Variants in SEMA5A observed in about 807,000 individuals in gnomAD.
SEMA5A encodes the protein semaphorin-5A.
SEMA5A carries 55 observed loss-of-function variants against 135.5 expected under a neutral mutation model. The observed-to-expected ratio is 0.41, with a 90% CI of 0.33 to 0.51. The LOEUF (loss-of-function observed/expected upper bound fraction) is 0.51, where lower values mean the gene tolerates loss of function less well. Ranked by LOEUF, SEMA5A falls within the 20% of genes least tolerant of loss-of-function variation. The pLI, the probability that SEMA5A is intolerant of heterozygous loss-of-function variation, is 0.37. For synonymous variants in SEMA5A, 580 were observed against 546.5 expected (o/e 1.06, Z -0.85); for missense variants, 1,290 against 1,419.9 (o/e 0.91, Z 1.47).
At chr5:9,290,023 T>G (rs1751000063) in intron 5 of SEMA5A, among the ~76,000 whole-genome samples, 2 of 152,234 alleles carry the variant, frequency 1.3e-5, no homozygotes, top group African/African-American at 4.8e-5. Context: ...GACAGAAATC[T>G]TCTGAGGTAT....
At chr5:9,225,539 A>G (rs1747256292) in intron 7 of SEMA5A, among the ~76,000 whole-genome samples, 1 of 149,086 alleles carries the variant, frequency 6.7e-6, no homozygotes, top group Non-Finnish European at 1.5e-5. Context: ...GCTGCATTCC[A>G]GCCTGGGAGG....
intron 5 of SEMA5A, among the ~76,000 whole-genome samples, chr5:9,290,111 G>GT (rs1392425375): frequency 6.6e-6 from 1 of 152,110 alleles, no homozygotes; most frequent in Non-Finnish European, 1.5e-5. Flanking sequence ...ATATGAATAA[G>GT]TTTTTTCGTG....
In SEMA5A at chr5:9,042,087, A is replaced by T. The variant is rs1735995481; in HGVS notation, c.*810T>A. 6.6e-6 allele frequency: 1 copy of T among 152,194 alleles called. No individual in the cohort carries two copies. The highest frequency in any genetic ancestry group is 1.5e-5 in the Non-Finnish European group (1 of 68,052). 9.4% of individuals were successfully genotyped at this position (152,194 alleles called of 1,614,324 possible). A position where few individuals can be genotyped will look rare whatever the true frequency, so the allele number is the denominator to read the frequency against. ...CTGGCTCTTCAGGACGTCACTATGGACCAGACAGGTGGACTTCCAGGCCAA... is the reference window on the plus strand; with the variant it reads ...CTGGCTCTTCAGGACGTCACTATGGTCCAGACAGGTGGACTTCCAGGCCAA... On this transcript the variant is annotated 3_prime_UTR_variant, in exon 23 of 23. Coordinates refer to ENST00000382496, the MANE Select transcript of SEMA5A (RefSeq NM_003966.3).
intron 2 of SEMA5A, among the ~76,000 whole-genome samples, chr5:9,380,692 C>T (rs1755560682): frequency 6.6e-6 from 1 of 152,172 alleles, no homozygotes; most frequent in Non-Finnish European, 1.5e-5. Flanking sequence ...TGCTTGGAAA[C>T]TTTAAAGATT....
intron 1 of SEMA5A, among the ~76,000 whole-genome samples, chr5:9,491,130 C>T (rs1399313840): frequency 6.6e-6 from 1 of 152,046 alleles, no homozygotes; most frequent in African/African-American, 2.4e-5. Context: ...TCGCGATGTC[C>T]TCAAGTTCAG....
At chr5:9,147,201 TTAAC>T (rs1273824863) in intron 12 of SEMA5A, among the ~76,000 whole-genome samples, 11 of 152,348 alleles carry the variant, frequency 7.2e-5, no homozygotes, top group African/African-American at 2.6e-4. Flanking sequence ...GTTAATTTCT[TTAAC>T]TAAATGATAC....
chr5:9,317,825 ACTAAAAT>A (rs1752456646), intron 5 of SEMA5A, among the ~76,000 whole-genome samples: 1 of 152,210 alleles, frequency 6.6e-6, no homozygotes, highest in South Asian at 2.1e-4. Flanking sequence ...CAGATCTGCT[ACTAAAAT>A]AAATACTTCA....
intron 1 of SEMA5A, among the ~76,000 whole-genome samples, chr5:9,440,912 C>A (rs1434501264): frequency 6.6e-6 from 1 of 152,170 alleles, no homozygotes; most frequent in Non-Finnish European, 1.5e-5. Flanking sequence ...TAAGATTACA[C>A]TGGAAATAAA....
At chr5:9,142,667 C>A (rs1742127043) in intron 12 of SEMA5A, among the ~76,000 whole-genome samples, 1 of 152,148 alleles carries the variant, frequency 6.6e-6, no homozygotes. Context: ...TTAAGAGCTG[C>A]AATTAAAAAC....
At chr5:9,470,452 G>A (rs1173422252) in intron 1 of SEMA5A, among the ~76,000 whole-genome samples, 1 of 152,190 alleles carries the variant, frequency 6.6e-6, no homozygotes, top group African/African-American at 2.4e-5. Flanking sequence ...CAGCTCATGT[G>A]AGAAGTGACT....
intron 5 of SEMA5A, among the ~76,000 whole-genome samples, chr5:9,309,801 T>C (rs1752039155): frequency 8.7e-6 from 1 of 114,842 alleles, no homozygotes; most frequent in Non-Finnish European, 2.0e-5. Context: ...TAATCAACTA[T>C]AAATCTTCCA....
intron 1 of SEMA5A, among the ~76,000 whole-genome samples, chr5:9,496,881 A>G (rs268494): frequency 0.97 from 147,998 of 152,332 alleles, 72,126 homozygotes; most frequent in Non-Finnish European, 1. Flanking sequence ...AACCACACAC[A>G]CAACCTGCTA....
chr5:9,205,090 A>G (rs1745936411), intron 8 of SEMA5A, among the ~76,000 whole-genome samples: 1 of 152,180 alleles, frequency 6.6e-6, no homozygotes, highest in African/African-American at 2.4e-5. Context: ...TGAAAAAAAT[A>G]AATAGTGCTT....
chr5:9,289,855 T>A (rs1346324560), intron 5 of SEMA5A, among the ~76,000 whole-genome samples: 1 of 152,120 alleles, frequency 6.6e-6, no homozygotes, highest in African/African-American at 2.4e-5. Flanking sequence ...GAGCTTAAAG[T>A]CCACTGAAAC....
At position 9,302,015 on chromosome 5, in the gene SEMA5A, G is replaced by C. The variant is rs559737584; in HGVS notation, c.270+16357C>G. 5.9e-5 allele frequency among the ~76,000 whole-genome samples: 9 copies of C among 152,156 alleles called. No individual in the cohort carries two copies. In the Middle Eastern group the frequency reaches 0.014, roughly 230 times the overall value. ...GAGTGGCTGCCAGCTTTCCTTAGCT[G>C]TAGTTGCATCACTCTAATTTTCAAA... On this transcript the variant is annotated intron_variant, in intron 5 of 22. Transcript: ENST00000382496.
At chr5:9,271,402 A>G (rs866935508) in intron 5 of SEMA5A, among the ~76,000 whole-genome samples, 3 of 152,174 alleles carry the variant, frequency 2.0e-5, no homozygotes, top group Non-Finnish European at 2.9e-5. Flanking sequence ...AACAGGAGTG[A>G]GGTACGGCTA....
At chr5:9,189,025 TTACCTGACCACTCAGTGGCAC>T (rs1744952290) in intron 11 of SEMA5A, among the ~76,000 whole-genome samples, 3 of 152,210 alleles carry the variant, frequency 2.0e-5, no homozygotes, top group Admixed American at 2.0e-4. Context: ...TGTCCTTACC[TTACCTGACCACTCAGTGGCAC>T]TGCCTGCCAC....
At chr5:9,138,992 C>A (rs1308012784) in intron 12 of SEMA5A, among the ~76,000 whole-genome samples, 1 of 152,172 alleles carries the variant, frequency 6.6e-6, no homozygotes, top group Non-Finnish European at 1.5e-5. Flanking sequence ...TCAACCTCTC[C>A]TTGATGGATG....
At chr5:9,319,823 T>C (rs1251488255) in intron 4 of SEMA5A, among the ~76,000 whole-genome samples, 1 of 109,516 alleles carries the variant, frequency 9.1e-6, no homozygotes. Flanking sequence ...ATTTTCACTA[T>C]CGTGGGCGGG....
Sources: allele counts gnomAD v4.1 joint callset (sites outside exome capture counted in the v4.1 genomes callset), GRCh38; gene constraint gnomAD v4.1.1; transcripts MANE v1.5; gene names NCBI Gene and HGNC (gene_info 2026-07-23, HGNC 2026-07-21).